The following GPC5 variants were observed in gnomAD, a reference collection of about 807,000 sequenced individuals.
GPC5 encodes glypican 5, also known as glypican-5.
In GPC5, 47 loss-of-function variants were observed where a neutral mutation model predicts 53.9. The observed-to-expected ratio is 0.87, with a 90% CI of 0.69 to 1.11. The LOEUF is 1.11. Among genes scored for constraint, GPC5 ranks in the 50% most tolerant of loss-of-function variants. GPC5 has a pLI of 0.00. For missense variants in GPC5, 748 were observed against 713.1 expected (o/e 1.05, Z -0.56); for synonymous variants, 286 against 263.3 (o/e 1.09, Z -0.84).
At chr13:92,338,058 C>G (rs1268355882) in intron 7 of GPC5, among the ~76,000 whole-genome samples, 2 of 151,896 alleles carry the variant, frequency 1.3e-5, no homozygotes, top group African/African-American at 4.8e-5. Context: ...GCAAAAGATA[C>G]AGCAGATAAA....
intron 7 of GPC5, among the ~76,000 whole-genome samples, chr13:92,482,401 C>A (rs185776043): frequency 2.0e-4 from 31 of 152,208 alleles, no homozygotes; most frequent in East Asian, 1.9e-3. Flanking sequence ...CCTGAAGAAT[C>A]TCCTAAAAAA....
chr13:92,728,296 A>C (rs1370373842), intron 7 of GPC5, among the ~76,000 whole-genome samples: 2 of 151,358 alleles, frequency 1.3e-5, no homozygotes, highest in African/African-American at 4.8e-5. Context: ...GATGACCTTA[A>C]TGTGCTTATA....
rs555018191 is a variant in GPC5 at position 92,743,193 on chromosome 13, G to A, written c.1562-123089G>A. On this transcript the variant is annotated intron_variant, in intron 7 of 7. Transcript: ENST00000377067. ...CCTAGGGCAGTATGGCCATTTTCAC[G>A]ATATTGATTCTTCCTATCCATGAGC... 1.4e-4 allele frequency among the ~76,000 whole-genome samples: 21 copies of A among 151,976 alleles called. 1 individual carries two copies. The highest frequency in any genetic ancestry group is 6.2e-4 in the South Asian group (3 of 4,812).
At chr13:91,873,720 G>T (rs911690946) in intron 5 of GPC5, among the ~76,000 whole-genome samples, 1 of 152,132 alleles carries the variant, frequency 6.6e-6, no homozygotes, top group African/African-American at 2.4e-5. Flanking sequence ...CAGTCACTTT[G>T]TCACCCAGGC....
intron 7 of GPC5, among the ~76,000 whole-genome samples, chr13:92,463,832 T>C (rs2139413345): frequency 6.6e-6 from 1 of 152,330 alleles, no homozygotes; most frequent in African/African-American, 2.4e-5. Context: ...TCCACTACTT[T>C]AAGATACAGT....
intron 2 of GPC5, among the ~76,000 whole-genome samples, chr13:91,490,923 CT>C (rs199783431): frequency 3.6e-4 from 54 of 151,588 alleles, no homozygotes; most frequent in African/African-American, 1.2e-3. Flanking sequence ...CTACCAAACT[CT>C]TTTTTTTTCC....
intron 7 of GPC5, among the ~76,000 whole-genome samples, chr13:92,538,068 A>G (rs937359956): frequency 6.6e-6 from 1 of 152,152 alleles, no homozygotes; most frequent in Non-Finnish European, 1.5e-5. Flanking sequence ...TGACCTATTT[A>G]GAACTACAAC....
chr13:92,426,171 C>T (rs1298318085), intron 7 of GPC5, among the ~76,000 whole-genome samples: 1 of 151,840 alleles, frequency 6.6e-6, no homozygotes, highest in Non-Finnish European at 1.5e-5. Context: ...TAGAGAATAC[C>T]CCTCTTCTCC....
At position 92,704,895 on chromosome 13, in the gene GPC5, A is replaced by AGAG. The variant is rs1566373920; in HGVS notation, c.1562-161387_1562-161386insGAG. ...ATATATACTCAATGTGTGTATATAT[A>AGAG]TGAGTATATATATATACACTTATAT... On this transcript the variant is annotated intron_variant, in intron 7 of 7. Transcript: ENST00000377067. Among the ~76,000 whole-genome samples, 28 of 147,298 alleles carry AGAG rather than the reference A, an allele frequency of 1.9e-4. No individual in the cohort carries two copies. In the South Asian group the frequency reaches 3.5e-3, roughly 19 times the overall value.
chr13:92,221,383 A>G (rs2139088083), intron 7 of GPC5, among the ~76,000 whole-genome samples: 1 of 152,306 alleles, frequency 6.6e-6, no homozygotes, highest in African/African-American at 2.4e-5. Flanking sequence ...AAAGCTGAAT[A>G]AAATAAGCCC....
intron 7 of GPC5, among the ~76,000 whole-genome samples, chr13:92,611,775 G>A (rs1387423362): frequency 6.6e-6 from 1 of 151,842 alleles, no homozygotes; most frequent in Non-Finnish European, 1.5e-5. Context: ...TCTCTTTCAG[G>A]CAATTGAACT....
At position 91,866,436 on chromosome 13, in the gene GPC5, T is replaced by C. The variant is rs531193879; in HGVS notation, c.1281-41501T>C. ...TTTCCCAAAGGTGGATCCCCATGAA[T>C]GGTTTTGTGCTGTCCTCCTGGTAAT... On this transcript the variant is annotated intron_variant, in intron 5 of 7. Transcript: ENST00000377067. Among the ~76,000 whole-genome samples the C allele has an allele frequency of 3.9e-5, 6 of 152,278 alleles. No individual in the cohort carries two copies. In the South Asian group the frequency reaches 1.2e-3, roughly 32 times the overall value.
chr13:92,677,163 T>C (rs990427875), intron 7 of GPC5, among the ~76,000 whole-genome samples: 1 of 152,230 alleles, frequency 6.6e-6, no homozygotes, highest in African/African-American at 2.4e-5. Context: ...AATTTTACAA[T>C]TTTTTCTTAA....
At position 92,670,573 on chromosome 13, in the gene GPC5, C is replaced by T. The variant is rs141428673; in HGVS notation, c.1562-195709C>T. Among the ~76,000 whole-genome samples the T allele has an allele frequency of 6.5e-3, 990 of 152,216 alleles. 10 individuals are homozygous for T. Among genetic ancestry groups the T allele is most frequent in the African/African-American group, 0.023 (947 of 41,540 alleles). ...TTCCATATCTCTATTTAGATGATTT[C>T]TCATTCTTTCCATCTGAGACTGAAC... On this transcript the variant is annotated intron_variant, in intron 7 of 7. Coordinates refer to ENST00000377067, the MANE Select transcript of GPC5 (RefSeq NM_004466.6).
chr13:92,374,934 T>C (rs1215149846), intron 7 of GPC5, among the ~76,000 whole-genome samples: 1 of 151,878 alleles, frequency 6.6e-6, no homozygotes, highest in South Asian at 2.1e-4. Flanking sequence ...AGAATCTGTT[T>C]AGGAAGATTC....
At chr13:92,282,406 G>A (rs1322659412) in intron 7 of GPC5, among the ~76,000 whole-genome samples, 1 of 152,050 alleles carries the variant, frequency 6.6e-6, no homozygotes, top group Non-Finnish European at 1.5e-5. Flanking sequence ...ACGCCACAAA[G>A]ATACTCCTTG....
intron 7 of GPC5, among the ~76,000 whole-genome samples, chr13:92,336,607 GTTACATA>G (rs1314836846): frequency 6.6e-6 from 1 of 152,106 alleles, no homozygotes; most frequent in African/African-American, 2.4e-5. Flanking sequence ...TCAGGAAATA[GTTACATA>G]TTACACATTT....
At chr13:92,217,911 C>CTTTTTT (rs61595116) in intron 7 of GPC5, among the ~76,000 whole-genome samples, 6 of 85,212 alleles carry the variant, frequency 7.0e-5, no homozygotes, top group African/African-American at 2.5e-4. Context: ...ATTATTTCTA[C>CTTTTTT]TTTTTTTTTT....
chr13:92,511,651 G>T (rs1035794402), intron 7 of GPC5, among the ~76,000 whole-genome samples: 2 of 152,076 alleles, frequency 1.3e-5, no homozygotes, highest in African/African-American at 4.8e-5. Flanking sequence ...CAAACCCCAT[G>T]GTTCTTTGTA....
Sources: allele counts gnomAD v4.1 joint callset (sites outside exome capture counted in the v4.1 genomes callset), GRCh38; gene constraint gnomAD v4.1.1; transcripts MANE v1.5; gene names NCBI Gene and HGNC (gene_info 2026-07-23, HGNC 2026-07-21).